IGSF21: variants seen among roughly 807,000 people sequenced by gnomAD.
IGSF21 encodes immunoglobin superfamily member 21, also known as immunoglobulin superfamily member 21.
A neutral mutation model predicts 46.8 loss-of-function variants in IGSF21; 28 were observed. The observed-to-expected ratio is 0.60, with a 90% CI of 0.44 to 0.82. The LOEUF (loss-of-function observed/expected upper bound fraction) is 0.82. Ranked by LOEUF, IGSF21 falls within the 40% of genes least tolerant of loss-of-function variation. IGSF21 has a pLI of 0.00. For synonymous variants in IGSF21, 284 were observed against 273.6 expected, an observed-to-expected ratio of 1.04 and a Z score of -0.38; for missense variants, 624 against 665.5, an observed-to-expected ratio of 0.94 and a Z score of 0.69.
At chr1:18,171,694 A>G (rs2124459399) in intron 1 of IGSF21, among the ~76,000 whole-genome samples, 1 of 152,314 alleles carries the variant, frequency 6.6e-6, no homozygotes, top group East Asian at 1.9e-4. Flanking sequence ...CTTCATTCTT[A>G]TTTCTGGCAC....
chr1:18,277,060 C>G (rs1268606409), intron 2 of IGSF21, among the ~76,000 whole-genome samples: 6 of 152,182 alleles, frequency 3.9e-5, no homozygotes, highest in Admixed American at 2.6e-4. Flanking sequence ...ACCCAGGGGC[C>G]TGTGTTCTTG....
chr1:18,186,924 A>G lies in IGSF21; in HGVS notation c.71-40974A>G, dbSNP rs192700298. ...GGCTGTGTCTGGGATCTATGCTCTC[A>G]TAGCATCCTCTGTCTTTCTTCAACA... On this transcript the variant is annotated intron_variant, in intron 1 of 9. Transcript: ENST00000251296. Among the ~76,000 whole-genome samples, 386 of 152,196 alleles carry G rather than the reference A, an allele frequency of 2.5e-3. 2 individuals carry two copies. Among genetic ancestry groups the G allele is most frequent in the African/African-American group, 8.8e-3 (367 of 41,504 alleles).
At chr1:18,303,493 A>G (rs918801649) in intron 3 of IGSF21, among the ~76,000 whole-genome samples, 1 of 152,114 alleles carries the variant, frequency 6.6e-6, no homozygotes, top group African/African-American at 2.4e-5. Flanking sequence ...TGCCTTGATC[A>G]GGGGCCTTCC....
intron 1 of IGSF21, among the ~76,000 whole-genome samples, chr1:18,206,583 G>A (rs953866053): frequency 2.6e-5 from 4 of 151,940 alleles, no homozygotes; most frequent in Non-Finnish European, 4.4e-5. Context: ...CTAGGAAGAT[G>A]GAACAGTAAG....
intron 3 of IGSF21, among the ~76,000 whole-genome samples, chr1:18,293,023 C>T (rs1217917277): frequency 6.6e-6 from 1 of 152,232 alleles, no homozygotes; most frequent in East Asian, 1.9e-4. Context: ...GGCAAGCCCA[C>T]ATGATGTGCA....
At chr1:18,361,399 G>C (rs2086099156) in intron 4 of IGSF21, 1 of 152,232 alleles carries the variant, frequency 6.6e-6, no homozygotes, top group Admixed American at 6.5e-5. Context: ...ACTGTGACAA[G>C]TTACAAACAG....
chr1:18,252,117 C>A (rs2084848764), intron 2 of IGSF21, among the ~76,000 whole-genome samples: 1 of 123,266 alleles, frequency 8.1e-6, no homozygotes, highest in African/African-American at 3.1e-5. Flanking sequence ...GTGGTGCAAT[C>A]TCGGCTCACT....
intron 1 of IGSF21, among the ~76,000 whole-genome samples, chr1:18,180,452 A>G (rs902164408): frequency 1.3e-5 from 2 of 152,220 alleles, no homozygotes; most frequent in African/African-American, 4.8e-5. Flanking sequence ...TGAGGCCTGG[A>G]CATACAAACA....
chr1:18,270,851 C>T (rs530172138), intron 2 of IGSF21, among the ~76,000 whole-genome samples: 3 of 152,328 alleles, frequency 2.0e-5, no homozygotes, highest in South Asian at 2.1e-4. Flanking sequence ...ACGAGCCAGC[C>T]GCATGTGCGA....
chr1:18,149,553 C>T (rs2086501705), intron 1 of IGSF21, among the ~76,000 whole-genome samples: 1 of 151,928 alleles, frequency 6.6e-6, no homozygotes, highest in African/African-American at 2.4e-5. Context: ...CAAGACCTGC[C>T]TCCCCAGTAC....
chr1:18,322,651 A>G lies in IGSF21; in HGVS notation c.306-12241A>G, dbSNP rs223221. ...ACGTGCCCCACGCCCCCTGCCTGCC[A>G]GTCCTGGGATGGCGTCGGGTGAAGG... On this transcript the variant is annotated intron_variant, in intron 3 of 9. Transcript: ENST00000251296. The surrounding 1 kb of genome is among the most constrained non-coding windows in gnomAD (Gnocchi z 4.3). Among the ~76,000 whole-genome samples the G allele has an allele frequency of 0.48, 73,344 of 151,852 alleles. 18,078 individuals are homozygous for G. The highest frequency in any genetic ancestry group is 0.59 in the East Asian group (3,022 of 5,120).
chr1:18,222,564 A>G (rs1276115497), intron 1 of IGSF21, among the ~76,000 whole-genome samples: 1 of 152,132 alleles, frequency 6.6e-6, no homozygotes, highest in Non-Finnish European at 1.5e-5. Flanking sequence ...GGACCCTGTG[A>G]TTATTCCTGC....
chr1:18,292,462 C>T (rs2085276850), intron 3 of IGSF21, among the ~76,000 whole-genome samples: 1 of 152,176 alleles, frequency 6.6e-6, no homozygotes, highest in Non-Finnish European at 1.5e-5. Flanking sequence ...CAACTGGACT[C>T]CCAGGTCAGA....
chr1:18,327,075 CT>C (rs1262211222), intron 3 of IGSF21, among the ~76,000 whole-genome samples: 17 of 152,202 alleles, frequency 1.1e-4, no homozygotes, highest in Admixed American at 1.1e-3. Flanking sequence ...GTCATGCACC[CT>C]TTTCTCATAG....
Position 18,296,531 on chromosome 1 carries a change from T to C in IGSF21, c.305+4544T>C, listed in dbSNP as rs114410747. ...GTGGCTTGTTCAGATCCCTTGGAAG[T>C]GAAGATGCTGCCTTCCTCCAGGTAC... On this transcript the variant is annotated intron_variant, in intron 3 of 9. Coordinates refer to ENST00000251296, the MANE Select transcript of IGSF21 (RefSeq NM_032880.5). Among the ~76,000 whole-genome samples, 750 of 152,244 alleles carry C rather than the reference T, an allele frequency of 4.9e-3. 8 individuals carry two copies. The highest frequency in any genetic ancestry group is 0.016 in the African/African-American group (656 of 41,522).
chr1:18,279,761 T>G (rs947153744), intron 2 of IGSF21, among the ~76,000 whole-genome samples: 9 of 152,226 alleles, frequency 5.9e-5, no homozygotes, highest in Non-Finnish European at 1.3e-4. Flanking sequence ...GCTGCCCTGA[T>G]GCCATGTGTT....
intron 1 of IGSF21, among the ~76,000 whole-genome samples, chr1:18,145,869 T>G (rs1213530876): frequency 1.3e-5 from 2 of 152,060 alleles, no homozygotes; most frequent in African/African-American, 4.8e-5. Flanking sequence ...AGGAGGAACT[T>G]TGGTTGCTCC....
At chr1:18,227,696 G>A (rs1187868830) in intron 1 of IGSF21, among the ~76,000 whole-genome samples, 1 of 151,858 alleles carries the variant, frequency 6.6e-6, no homozygotes, top group Non-Finnish European at 1.5e-5. Flanking sequence ...TTGAAGAGAG[G>A]GAAGAAGAGG....
intron 1 of IGSF21, among the ~76,000 whole-genome samples, chr1:18,127,613 T>TG (rs1306877261): frequency 2.6e-5 from 4 of 152,008 alleles, no homozygotes; most frequent in Admixed American, 6.6e-5. Flanking sequence ...ATCTGCAAAA[T>TG]GGGGGTTGGC....
Sources: gnomAD v4.1 joint callset for allele counts (sites outside exome capture counted in the v4.1 genomes callset) on GRCh38, gnomAD v4.1.1 for gene constraint, Gnocchi (gnomAD v3.1) non-coding constraint, MANE v1.5 for transcripts, NCBI Gene and HGNC (gene_info 2026-07-23, HGNC 2026-07-21) for gene names.